Variants in SLC1A2 observed in about 807,000 individuals in gnomAD.
The protein encoded by SLC1A2 is solute carrier family 1 member 2, also known as excitatory amino acid transporter 2.
SLC1A2 carries 15 observed loss-of-function variants against 48.8 expected under a neutral mutation model. The ratio of observed to expected loss-of-function variants is 0.31; its 90% CI spans 0.21 to 0.47. The LOEUF is 0.47. Ranked by LOEUF, SLC1A2 falls within the 20% of genes least tolerant of loss-of-function variation. The pLI is 0.99. For synonymous variants in SLC1A2, 279 were observed against 272.6 expected, an observed-to-expected ratio of 1.02 and a Z score of -0.23; for missense variants, 502 against 730.5, an observed-to-expected ratio of 0.69 and a Z score of 3.61.
At chr11:35,312,693 C>T (rs114145824) in intron 3 of SLC1A2, among the ~76,000 whole-genome samples, 1,784 of 152,326 alleles carry the variant, frequency 0.012, 36 homozygotes, top group African/African-American at 0.041. Context: ...AACCTATGCA[C>T]ATCCTCCTGT....
At chr11:35,294,477 G>A (rs2134756967) in intron 6 of SLC1A2, among the ~76,000 whole-genome samples, 1 of 152,216 alleles carries the variant, frequency 6.6e-6, no homozygotes, top group African/African-American at 2.4e-5. Flanking sequence ...AAATTATCAA[G>A]GTAGTCTCAG....
intron 1 of SLC1A2, among the ~76,000 whole-genome samples, chr11:35,387,595 T>A (rs1854625129): frequency 6.6e-6 from 1 of 152,226 alleles, no homozygotes; most frequent in South Asian, 2.1e-4. Context: ...AAGGCCTATT[T>A]GTTTTTTGTT....
intron 1 of SLC1A2, among the ~76,000 whole-genome samples, chr11:35,409,098 C>G (rs201329861): frequency 5.3e-5 from 8 of 152,164 alleles, no homozygotes; most frequent in African/African-American, 1.9e-4. Flanking sequence ...AAAACACTCA[C>G]GAAGATATAA....
chr11:35,369,116 C>T lies in SLC1A2; in HGVS notation c.17+49834G>A, dbSNP rs539345404. The stretch of plus-strand genomic sequence containing the variant: ...ACATATGCTGCTTGCTTTCCCTTCC[C>T]GAGGCTTCTCCCTGGTTTTAAAACA... On this transcript the variant is annotated intron_variant, in intron 1 of 10. Coordinates refer to ENST00000278379, the MANE Select transcript of SLC1A2 (RefSeq NM_004171.4). 4.9e-4 allele frequency among the ~76,000 whole-genome samples: 75 copies of T among 152,248 alleles called. No homozygotes were observed. The South Asian group carries it at 5.0e-3, about 10-fold the overall frequency.
intron 1 of SLC1A2, among the ~76,000 whole-genome samples, chr11:35,390,338 G>A (rs985892607): frequency 3.5e-4 from 54 of 152,246 alleles, no homozygotes; most frequent in Middle Eastern, 3.4e-3. Context: ...AACGACCCAT[G>A]TCCTTCCTAC....
At chr11:35,375,430 G>A (rs1405291759) in intron 1 of SLC1A2, among the ~76,000 whole-genome samples, 1 of 152,204 alleles carries the variant, frequency 6.6e-6, no homozygotes, top group East Asian at 1.9e-4. Flanking sequence ...GAACAAAGTG[G>A]TCAGTAAAGC....
At chr11:35,326,312 C>T (rs1260044478) in intron 1 of SLC1A2, among the ~76,000 whole-genome samples, 3 of 152,222 alleles carry the variant, frequency 2.0e-5, no homozygotes, top group African/African-American at 7.2e-5. Context: ...ACTCATTCCC[C>T]TTCCAAGAGC....
intron 10 of SLC1A2, chr11:35,261,694 C>T: frequency 2.5e-6 from 1 of 398,538 alleles, no homozygotes; most frequent in East Asian, 3.6e-5. Flanking sequence ...TCCTCAACGT[C>T]ATGTGCAAAC....
chr11:35,365,783 G>A (rs1853824949), intron 1 of SLC1A2, among the ~76,000 whole-genome samples: 1 of 152,130 alleles, frequency 6.6e-6, no homozygotes, highest in African/African-American at 2.4e-5. Flanking sequence ...CCTCCATCGA[G>A]GCATCCACAA....
intron 9 of SLC1A2, among the ~76,000 whole-genome samples, chr11:35,273,609 A>C (rs1466863894): frequency 1.3e-5 from 2 of 152,218 alleles, no homozygotes; most frequent in Admixed American, 6.5e-5. Context: ...AAAGGGGATC[A>C]GAGCATTTTC....
intron 1 of SLC1A2, among the ~76,000 whole-genome samples, chr11:35,324,092 CGAA>C (rs1852161716): frequency 6.6e-6 from 1 of 152,190 alleles, no homozygotes; most frequent in Admixed American, 6.5e-5. Flanking sequence ...GATGAGAAAT[CGAA>C]GGAGAAGAGC....
chr11:35,363,219 C>A (rs1590230477), intron 1 of SLC1A2, among the ~76,000 whole-genome samples: 1 of 152,130 alleles, frequency 6.6e-6, no homozygotes, highest in African/African-American at 2.4e-5. Context: ...GGAGTGGCTG[C>A]AGGTGAGGTT....
At chr11:35,279,809 A>G (rs193156192) in intron 9 of SLC1A2, among the ~76,000 whole-genome samples, 161 of 152,358 alleles carry the variant, frequency 1.1e-3, no homozygotes, top group African/African-American at 3.6e-3. Context: ...AGGAAGATGT[A>G]AAGTGCTCAG....
intron 10 of SLC1A2, 50 bp downstream of exon 10, chr11:35,265,477 A>G: frequency 1.1e-6 from 1 of 901,106 alleles, no homozygotes; most frequent in Admixed American, 2.1e-5. Context: ...AAAGAAATCA[A>G]GCATGCACTA....
intron 9 of SLC1A2, among the ~76,000 whole-genome samples, chr11:35,280,166 T>C (rs1392995772): frequency 6.6e-6 from 1 of 150,612 alleles, no homozygotes; most frequent in Non-Finnish European, 1.5e-5. Context: ...TCTTTCTTTT[T>C]TCTTTTTTTT....
intron 1 of SLC1A2, among the ~76,000 whole-genome samples, chr11:35,378,954 C>T (rs1048500704): frequency 1.3e-5 from 2 of 152,172 alleles, no homozygotes; most frequent in East Asian, 1.9e-4. Context: ...CATGGCCAGG[C>T]GCAGTGACTC....
chr11:35,383,474 G>C (rs1854493096), intron 1 of SLC1A2, among the ~76,000 whole-genome samples: 1 of 152,154 alleles, frequency 6.6e-6, no homozygotes, highest in Admixed American at 6.5e-5. Flanking sequence ...CCAGTGGGGA[G>C]CCCAACTCTG....
chr11:35,340,118 C>G (rs547572107), intron 1 of SLC1A2, among the ~76,000 whole-genome samples: 1 of 152,160 alleles, frequency 6.6e-6, no homozygotes, highest in Non-Finnish European at 1.5e-5. Context: ...TCTCTGCTCA[C>G]GTGTCACTTC....
At chr11:35,265,466 T>A in intron 10 of SLC1A2, 61 bp downstream of exon 10, 6 of 850,478 alleles carry the variant, frequency 7.1e-6, no homozygotes, top group Non-Finnish European at 9.5e-6. Context: ...TTTTTTTTTT[T>A]AAAGAAATCA....
Sources: gnomAD v4.1 joint callset for allele counts (sites outside exome capture counted in the v4.1 genomes callset) on GRCh38, gnomAD v4.1.1 for gene constraint, MANE v1.5 for transcripts, NCBI Gene and HGNC (gene_info 2026-07-23, HGNC 2026-07-21) for gene names.